Variants in RLF observed in about 807,000 individuals in gnomAD.
RLF encodes zinc finger protein Rlf.
In RLF, 7 loss-of-function variants were observed where a neutral mutation model predicts 162.9. The ratio of observed to expected loss-of-function variants is 0.04; its 90% CI spans 0.02 to 0.08. The LOEUF (loss-of-function observed/expected upper bound fraction) is 0.08, where lower values mean the gene tolerates loss of function less well. Ranked by LOEUF, RLF falls within the 10% of genes least tolerant of loss-of-function variation. RLF has a pLI of 1.00. For missense variants in RLF, 1,664 were observed against 2,244.7 expected, an observed-to-expected ratio of 0.74 and a Z score of 5.23; for synonymous variants, 782 against 791.5, an observed-to-expected ratio of 0.99 and a Z score of 0.20.
chr1:40,199,424 C>G lies in RLF; in HGVS notation c.608-2988C>G, dbSNP rs191581349. Among the ~76,000 whole-genome samples, 49 of 152,234 alleles carry G rather than the reference C, an allele frequency of 3.2e-4. 1 individual carries two copies. The highest frequency in any genetic ancestry group is 1.2e-3 in the African/African-American group (48 of 41,538). On this transcript the variant is annotated intron_variant, in intron 4 of 7. Coordinates refer to ENST00000372771, the MANE Select transcript of RLF (RefSeq NM_012421.4). ...AGTCTTATCTGCATTTCTAGTATTT[C>G]TTTAATTTGTTCATCCATGTGAGAT...
intron 1 of RLF, among the ~76,000 whole-genome samples, chr1:40,186,679 T>C (rs1031262779): frequency 1.3e-5 from 2 of 152,234 alleles, no homozygotes; most frequent in African/African-American, 4.8e-5. Context: ...TGACTCATTC[T>C]GAAAGCTCTG....
intron 1 of RLF, among the ~76,000 whole-genome samples, chr1:40,185,608 CG>C (rs1642465176): frequency 8.5e-6 from 1 of 117,520 alleles, no homozygotes. Flanking sequence ...GTCAGGAGCT[CG>C]AGACCATCCT....
intron 1 of RLF, among the ~76,000 whole-genome samples, chr1:40,167,118 G>T (rs1475251625): frequency 6.6e-6 from 1 of 152,138 alleles, no homozygotes; most frequent in African/African-American, 2.4e-5. Flanking sequence ...ACATTTACAC[G>T]TGTGCAGTGA....
Position 40,190,774 on chromosome 1 carries a change from G to T in RLF, c.395G>T (p.Ser132Ile). The T allele has an allele frequency of 6.2e-7, 1 of 1,605,204 alleles. No individual in the cohort carries two copies. Among genetic ancestry groups the T allele is most frequent in the Middle Eastern group, 1.7e-4 (1 of 6,044 alleles). ...ATACTTACTCATTTTTATTGTAGGA[G>T]TTGTTTCGAATTACTGCTTTCAGTG... ...VLLVLGRLVL[S>I]CFELLLSVSE... Residue 132 changes from serine (S) to isoleucine (I), a missense_variant and splice_region_variant, in exon 3 of 8, where the codon AGT (serine) becomes ATT (isoleucine). Physicochemically the swap from Ser to Ile is moderately radical, Grantham distance 142. Coordinates refer to ENST00000372771, the MANE Select transcript of RLF (RefSeq NM_012421.4).
intron 6 of RLF, among the ~76,000 whole-genome samples, chr1:40,227,085 G>T (rs113599806): frequency 3.9e-5 from 6 of 152,202 alleles, no homozygotes; most frequent in Non-Finnish European, 7.4e-5. Context: ...GGCTGGTCTC[G>T]AGCTCCTGAC....
intron 5 of RLF, among the ~76,000 whole-genome samples, chr1:40,215,450 A>G (rs1642913871): frequency 6.6e-6 from 1 of 152,254 alleles, no homozygotes. Flanking sequence ...TAACTACAGT[A>G]AAATAAAATT....
chr1:40,200,896 ACACACACACACACACAC>A (rs1642704336), intron 4 of RLF, among the ~76,000 whole-genome samples: 3 of 115,034 alleles, frequency 2.6e-5, no homozygotes, highest in African/African-American at 1.3e-4. Flanking sequence ...ACACACACAC[ACACACACACACACACAC>A]ACACACACAC....
chr1:40,236,576 A>G lies in RLF; in HGVS notation c.1874A>G (p.Gln625Arg). Reference sequence around the variant, plus strand: ...AAGAAATTACTGTTAAAAGGCTCTCAAAAGGGTATTTGTCCTAAGAGCCCC... The same window carrying G: ...AAGAAATTACTGTTAAAAGGCTCTCGAAAGGGTATTTGTCCTAAGAGCCCC... ...SKKKLLLKGS[Q>R]KGICPKSPSA... Residue 625 changes from glutamine to arginine, a missense_variant, in exon 8 of 8, where the codon CAA becomes CGA. Gln to Arg is a conservative substitution (Grantham distance 43). Transcript: ENST00000372771. This position sits in a 1 kb window ranked among gnomAD's most constrained non-coding sequence, Gnocchi z 7.7. The G allele has an allele frequency of 6.2e-7, 1 of 1,614,154 alleles. No individual in the cohort carries two copies. The highest frequency in any genetic ancestry group is 8.5e-7 in the Non-Finnish European group (1 of 1,180,000).
At chr1:40,163,879 C>T (rs1286153722) in intron 1 of RLF, among the ~76,000 whole-genome samples, 1 of 152,174 alleles carries the variant, frequency 6.6e-6, no homozygotes, top group African/African-American at 2.4e-5. Flanking sequence ...ATTTTTGACA[C>T]ATTTTCCCCT....
intron 1 of RLF, among the ~76,000 whole-genome samples, chr1:40,167,853 C>T (rs1255011077): frequency 6.6e-6 from 1 of 151,588 alleles, no homozygotes; most frequent in Non-Finnish European, 1.5e-5. Flanking sequence ...TCTTGATCTC[C>T]TCCCTTTCCT....
chr1:40,187,852 T>A (rs956060453), intron 1 of RLF, among the ~76,000 whole-genome samples: 3 of 152,214 alleles, frequency 2.0e-5, no homozygotes, highest in African/African-American at 7.2e-5. Flanking sequence ...TATTTGTAGT[T>A]GTTTAGGCAG....
At chr1:40,180,273 T>C (rs1642388501) in intron 1 of RLF, among the ~76,000 whole-genome samples, 1 of 152,178 alleles carries the variant, frequency 6.6e-6, no homozygotes, top group South Asian at 2.1e-4. Flanking sequence ...CTTTTCTTTT[T>C]TTTGAGACAG....
rs774646205 is a variant in RLF at position 40,203,047 on chromosome 1, C to T, written c.810+433C>T. Among the ~76,000 whole-genome samples, 19 of 150,652 alleles carry T rather than the reference C, an allele frequency of 1.3e-4. 1 individual carries two copies. Among genetic ancestry groups the T allele is most frequent in the Non-Finnish European group, 2.5e-4 (17 of 67,876 alleles). On this transcript the variant is annotated intron_variant, in intron 5 of 7. Coordinates refer to ENST00000372771, the MANE Select transcript of RLF (RefSeq NM_012421.4). ...CAGAAAAGTATAGGACTCTAGATTCCATGACTACATCCTGAACAATTAAGT... is the reference window on the plus strand; with the variant it reads ...CAGAAAAGTATAGGACTCTAGATTCTATGACTACATCCTGAACAATTAAGT...
chr1:40,195,663 A>G lies in RLF; in HGVS notation c.506A>G (p.Asn169Ser). The change falls in exon 4 of 8, where the codon AAT becomes AGT. Residue 169 changes from asparagine (N) to serine (S), a missense_variant. Asn to Ser is a conservative substitution (Grantham distance 46). This residue lies in a region of RLF where 287 missense variants were observed against 404.9 expected (regional missense o/e 0.71). Transcript: ENST00000372771. ...CATGATGCATTATTGGAATTTGGGAATAATAACCTACAAATATTGGTTCAT... is the reference window on the plus strand; with the variant it reads ...CATGATGCATTATTGGAATTTGGGAGTAATAACCTACAAATATTGGTTCAT... ...ESHDALLEFG[N>S]NNLQILVHVT... The G allele has an allele frequency of 1.2e-6, 2 of 1,613,162 alleles. No individual in the cohort carries two copies. Among genetic ancestry groups the G allele is most frequent in the Non-Finnish European group, 1.7e-6 (2 of 1,179,382 alleles).
chr1:40,228,644 G>A (rs539317042), intron 6 of RLF, among the ~76,000 whole-genome samples: 1 of 152,146 alleles, frequency 6.6e-6, no homozygotes, highest in Admixed American at 6.5e-5. Context: ...CACTTTAATG[G>A]ATTTACCTAA....
intron 1 of RLF, among the ~76,000 whole-genome samples, chr1:40,182,711 G>A (rs1488898474): frequency 2.0e-5 from 3 of 151,726 alleles, no homozygotes; most frequent in Non-Finnish European, 4.4e-5. Context: ...ATCCAGTGAA[G>A]TTTAATCAGG....
chr1:40,177,054 C>T (rs1642336309), intron 1 of RLF, among the ~76,000 whole-genome samples: 1 of 151,680 alleles, frequency 6.6e-6, no homozygotes, highest in Non-Finnish European at 1.5e-5. Context: ...ATGGCGCGAC[C>T]TTGACTCACT....
rs1642868707 is a variant in RLF at position 40,211,810 on chromosome 1, CG to C, written c.810+9200del. On this transcript the variant is annotated intron_variant, in intron 5 of 7. Coordinates refer to ENST00000372771, the MANE Select transcript of RLF (RefSeq NM_012421.4). ...CTAATTTTTGTATTTTTAGTAGAAA[CG>C]GGGTTTCACCGTTTCTACTGGTGAC... Among the ~76,000 whole-genome samples the C allele has an allele frequency of 3.3e-5, 5 of 152,146 alleles. No homozygotes were observed. In the South Asian group the frequency reaches 1.0e-3, roughly 32 times the overall value.
In RLF at chr1:40,161,777, G is replaced by A; in HGVS notation, c.237+141G>A. On this transcript the variant is annotated intron_variant, in intron 1 of 7. Transcript: ENST00000372771. This position sits in a 1 kb window ranked among gnomAD's most constrained non-coding sequence, Gnocchi z 4.4. The stretch of plus-strand genomic sequence containing the variant: ...CGCGCCCCCGGGCCGGGAAGGCCCA[G>A]CTCGGAAGCTCGACCGCTGGCCCCC... 1.6e-6 allele frequency: 2 copies of A among 1,222,466 alleles called. No homozygotes were observed. The highest frequency in any genetic ancestry group is 2.7e-5 in the East Asian group (1 of 36,474). 75.7% of individuals were successfully genotyped at this position (1,222,466 alleles called of 1,614,324 possible). A position where few individuals can be genotyped will look rare whatever the true frequency, so the allele number is the denominator to read the frequency against.
Sources: allele counts gnomAD v4.1 joint callset (sites outside exome capture counted in the v4.1 genomes callset), GRCh38; gene constraint gnomAD v4.1.1; regional missense constraint gnomAD v4.1.1; non-coding constraint Gnocchi (gnomAD v3.1); transcripts MANE v1.5; gene names NCBI Gene and HGNC (gene_info 2026-07-23, HGNC 2026-07-21).